DHX57: variants seen among roughly 807,000 people sequenced by gnomAD.
The protein encoded by DHX57 is putative ATP-dependent RNA helicase DHX57.
In DHX57, 105 loss-of-function variants were observed where a neutral mutation model predicts 156.2. The ratio of observed to expected loss-of-function variants is 0.67; its 90% CI spans 0.57 to 0.79. The LOEUF (loss-of-function observed/expected upper bound fraction) is 0.79. Ranked by LOEUF, DHX57 falls within the 30% of genes least tolerant of loss-of-function variation. DHX57 has a pLI of 0.00. For synonymous variants in DHX57, 704 were observed against 595.6 expected, an observed-to-expected ratio of 1.18 and a Z score of -2.65; for missense variants, 1,847 against 1,661.9, an observed-to-expected ratio of 1.11 and a Z score of -1.94.
intron 16 of DHX57, among the ~76,000 whole-genome samples, chr2:38,825,307 A>G (rs1440417220): frequency 6.6e-6 from 1 of 151,892 alleles, no homozygotes; most frequent in Non-Finnish European, 1.5e-5. Flanking sequence ...TCATTTATTT[A>G]ATTTTTATTT....
At chr2:38,853,892 C>G (rs1337997597) in intron 9 of DHX57, 162 bp downstream of exon 9, 3 of 599,742 alleles carry the variant, frequency 5.0e-6, no homozygotes, top group Non-Finnish European at 8.6e-6. Context: ...GTTACAGACC[C>G]TGGAGATCAA....
intron 13 of DHX57, among the ~76,000 whole-genome samples, chr2:38,829,359 G>A (rs12712624): frequency 0.55 from 83,387 of 150,534 alleles, 24,795 homozygotes; most frequent in East Asian, 0.81. Flanking sequence ...TCAGCTCACT[G>A]CAACCTCCAC....
In DHX57 at chr2:38,815,518, T is replaced by C; in HGVS notation, c.3606+3A>G. The C allele has an allele frequency of 6.2e-7, 1 of 1,614,020 alleles. No individual in the cohort carries two copies. On this transcript the variant is annotated splice_donor_region_variant and intron_variant, in intron 20 of 23. Transcript: ENST00000457308. Reference sequence around the variant, plus strand: ...AAATGAGAACCAACTCCACATTCTTTACCTCTTCTCCTGTGGCATCTAAGA... The same window carrying C: ...AAATGAGAACCAACTCCACATTCTTCACCTCTTCTCCTGTGGCATCTAAGA...
chr2:38,871,951 G>A (rs573272729), intron 1 of DHX57, among the ~76,000 whole-genome samples: 7 of 152,116 alleles, frequency 4.6e-5, no homozygotes, highest in South Asian at 4.2e-4. Flanking sequence ...CTTGTGATCC[G>A]CCTGCCTCGG....
intron 19 of DHX57, among the ~76,000 whole-genome samples, chr2:38,817,516 A>C (rs756254228): frequency 5.9e-5 from 9 of 151,630 alleles, no homozygotes; most frequent in Non-Finnish European, 8.8e-5. Flanking sequence ...GAGTTTTGCT[A>C]TGTTGGCCAG....
At chr2:38,825,289 T>A (rs1476246785) in intron 16 of DHX57, among the ~76,000 whole-genome samples, 1 of 152,148 alleles carries the variant, frequency 6.6e-6, no homozygotes, top group Non-Finnish European at 1.5e-5. Context: ...ATTTCATTTT[T>A]ATTTTATTCA....
intron 22 of DHX57, among the ~76,000 whole-genome samples, chr2:38,804,896 A>G (rs986492114): frequency 7.2e-5 from 11 of 151,958 alleles, no homozygotes; most frequent in Non-Finnish European, 1.0e-4. Flanking sequence ...CTGTCTCTCT[A>G]TCCTGCTCTA....
intron 9 of DHX57, among the ~76,000 whole-genome samples, chr2:38,849,573 G>A (rs558031160): frequency 7.9e-5 from 12 of 151,934 alleles, no homozygotes; most frequent in African/African-American, 2.7e-4. Flanking sequence ...AAATCTGATT[G>A]TGCCACTCTT....
chr2:38,854,889 TA>T, intron 8 of DHX57, 167 bp downstream of exon 8: 1 of 678,004 alleles, frequency 1.5e-6, no homozygotes, highest in Non-Finnish European at 2.4e-6. Flanking sequence ...AAAATATTTC[TA>T]AATATTTCTA....
At chr2:38,846,615 TC>T (rs1672299282) in intron 11 of DHX57, among the ~76,000 whole-genome samples, 1 of 99,664 alleles carries the variant, frequency 1.0e-5, no homozygotes. Flanking sequence ...AGACTCTATC[TC>T]AAAAAAAAAA....
At chr2:38,865,377 A>G (rs982479599) in intron 2 of DHX57, among the ~76,000 whole-genome samples, 10 of 152,046 alleles carry the variant, frequency 6.6e-5, no homozygotes, top group African/African-American at 2.4e-4. Flanking sequence ...CTTGGCTCTC[A>G]TTCTTCTTTC....
rs1669464510 is a variant in DHX57 at position 38,797,901 on chromosome 2, G to GAAAAAAATAGAAAAAAAAAAAA, written c.*397_*398insTTTTTTTTTTTTCTATTTTTTT. ...CAGTCGAGCCTTGGCGACAGGAAAA[G>GAAAAAAATAGAAAAAAAAAAAA]AAAAAAAAAAAAGGCGTATTTCTCT... On this transcript the variant is annotated 3_prime_UTR_variant, in exon 24 of 24. Transcript: ENST00000457308. 1 of 158,694 alleles carries GAAAAAAATAGAAAAAAAAAAAA rather than the reference G, an allele frequency of 6.3e-6. No individual in the cohort carries two copies. The highest frequency in any genetic ancestry group is 2.6e-5 in the African/African-American group (1 of 39,200). The allele number at this position is 158,694 out of a possible 1,614,324, so 9.8% of individuals were successfully genotyped here. A position where few individuals can be genotyped will look rare whatever the true frequency, so the allele number is the denominator to read the frequency against.
At chr2:38,852,041 T>C (rs1672621812) in intron 9 of DHX57, among the ~76,000 whole-genome samples, 1 of 152,130 alleles carries the variant, frequency 6.6e-6, no homozygotes, top group African/African-American at 2.4e-5. Context: ...TGTCTTGTTC[T>C]AGGAATTATT....
At chr2:38,863,607 C>G in intron 2 of DHX57, 88 bp from the exon 3 acceptor site, 2 of 1,205,742 alleles carry the variant, frequency 1.7e-6, no homozygotes, top group Admixed American at 4.7e-5. Flanking sequence ...ATACACAATA[C>G]AAACTGGATT....
chr2:38,829,388 T>C (rs542448330), intron 13 of DHX57, among the ~76,000 whole-genome samples: 1 of 152,144 alleles, frequency 6.6e-6, no homozygotes, highest in South Asian at 2.1e-4. Context: ...TTCAATTGAT[T>C]CTCCCGCCTC....
At chr2:38,826,942 C>G (rs943632516) in intron 14 of DHX57, among the ~76,000 whole-genome samples, 1 of 151,966 alleles carries the variant, frequency 6.6e-6, no homozygotes, top group African/African-American at 2.4e-5. Flanking sequence ...ATCAGCCTAG[C>G]CAACATGGTG....
At chr2:38,851,602 C>T (rs530670570) in intron 9 of DHX57, among the ~76,000 whole-genome samples, 2 of 152,172 alleles carry the variant, frequency 1.3e-5, no homozygotes, top group Admixed American at 6.5e-5. Context: ...GAATTTTTAA[C>T]GTTCATATTC....
At position 38,816,916 on chromosome 2, in the gene DHX57, T is replaced by A. The variant is rs560674027; in HGVS notation, c.3472-1261A>T. On this transcript the variant is annotated intron_variant, in intron 19 of 23. Coordinates refer to ENST00000457308, the MANE Select transcript of DHX57 (RefSeq NM_198963.3). The stretch of plus-strand genomic sequence containing the variant: ...TACACATATCCTAATGAAAAAAAAA[T>A]TTAGTAGGAAATGTAATTTAAAAGA... 4.3e-3 allele frequency among the ~76,000 whole-genome samples: 650 copies of A among 152,098 alleles called. 3 individuals are homozygous for A. Among genetic ancestry groups the A allele is most frequent in the Non-Finnish European group, 7.7e-3 (520 of 67,960 alleles).
At chr2:38,873,245 C>T (rs901600263) in intron 1 of DHX57, among the ~76,000 whole-genome samples, 5 of 152,184 alleles carry the variant, frequency 3.3e-5, no homozygotes, top group African/African-American at 1.2e-4. Context: ...TCCACCTTGG[C>T]CTCCCAAAGT....
Sources: allele counts gnomAD v4.1 joint callset (sites outside exome capture counted in the v4.1 genomes callset), GRCh38; gene constraint gnomAD v4.1.1; transcripts MANE v1.5; gene names NCBI Gene and HGNC (gene_info 2026-07-23, HGNC 2026-07-21).